BTBD8: variants seen among roughly 807,000 people sequenced by gnomAD.
BTBD8 encodes BTB/POZ domain-containing protein 8.
Under a neutral mutation model 162.9 loss-of-function variants are expected in BTBD8, and 110 were observed. The observed-to-expected ratio is 0.68, with a 90% CI of 0.58 to 0.79. The LOEUF is 0.79. BTBD8 is among the 30% of genes least tolerant of loss of function. The pLI, the probability that BTBD8 is intolerant of heterozygous loss-of-function variation, is 0.00. For missense variants in BTBD8, 1,905 were observed against 2,085.4 expected, an observed-to-expected ratio of 0.91 and a Z score of 1.68; for synonymous variants, 667 against 716.1, an observed-to-expected ratio of 0.93 and a Z score of 1.10.
At chr1:92,080,871 C>G in intron 1 of BTBD8, 151 bp downstream of exon 1, 1 of 1,247,230 alleles carries the variant, frequency 8.0e-7, no homozygotes, top group African/African-American at 1.5e-5. Context: ...AGTCTCCCCA[C>G]TATTCCGAAA....
chr1:92,090,775 C>T (rs140791126), intron 2 of BTBD8, among the ~76,000 whole-genome samples: 14 of 152,146 alleles, frequency 9.2e-5, no homozygotes, highest in East Asian at 7.8e-4. Flanking sequence ...ATTAAAAACA[C>T]GAAAAAATTA....
chr1:92,158,565 A>G (rs57820459), intron 9 of BTBD8, among the ~76,000 whole-genome samples: 8,081 of 152,174 alleles, frequency 0.053, 756 homozygotes, highest in African/African-American at 0.18. Flanking sequence ...ATTCGTTAAT[A>G]TACTCTTTAG....
Position 92,080,394 on chromosome 1 carries a change from C to T in BTBD8, c.-178C>T, listed in dbSNP as rs1570707685. ...GTTCTGGGATTCTGAGGCTCCCCAC[C>T]GCGGTCCGGCTTCTCTGGGAGACTG... On this transcript the variant is annotated 5_prime_UTR_variant, in exon 1 of 18. Transcript: ENST00000636805. 1.2e-6 allele frequency: 1 copy of T among 866,228 alleles called. No homozygotes were observed. Among genetic ancestry groups the T allele is most frequent in the Middle Eastern group, 3.7e-4 (1 of 2,704 alleles). 53.7% of individuals were successfully genotyped at this position (866,228 alleles called of 1,614,324 possible).
chr1:92,162,542 T>TG (rs1233888603), intron 9 of BTBD8, among the ~76,000 whole-genome samples: 3 of 152,190 alleles, frequency 2.0e-5, no homozygotes, highest in Admixed American at 6.5e-5. Context: ...ACAAAACACT[T>TG]GGGGGTCTTG....
chr1:92,157,278 T>C (rs887857725), intron 9 of BTBD8, among the ~76,000 whole-genome samples: 3 of 152,198 alleles, frequency 2.0e-5, no homozygotes, highest in Non-Finnish European at 4.4e-5. Context: ...GAAAAGATGC[T>C]TGGTATGATT....
intron 9 of BTBD8, among the ~76,000 whole-genome samples, chr1:92,154,861 A>G (rs961486355): frequency 1.8e-4 from 27 of 152,180 alleles, no homozygotes; most frequent in African/African-American, 6.5e-4. Flanking sequence ...GACCAATGTC[A>G]TGAAGCTTTC....
chr1:92,146,527 C>T (rs746724872), intron 7 of BTBD8, among the ~76,000 whole-genome samples: 12 of 152,178 alleles, frequency 7.9e-5, no homozygotes, highest in African/African-American at 1.4e-4. Flanking sequence ...GGTTTATACA[C>T]ATGTATAATG....
intron 2 of BTBD8, among the ~76,000 whole-genome samples, chr1:92,093,187 A>ATTTTT (rs5776134): frequency 6.7e-5 from 8 of 119,856 alleles, no homozygotes; most frequent in East Asian, 2.4e-4. Flanking sequence ...TGAAATACCA[A>ATTTTT]TTTTTTTTTT....
At chr1:92,132,893 G>A (rs560925616) in intron 5 of BTBD8, among the ~76,000 whole-genome samples, 2 of 152,244 alleles carry the variant, frequency 1.3e-5, no homozygotes, top group South Asian at 4.2e-4. Flanking sequence ...AACACTAAAA[G>A]AAGAATCACC....
intron 13 of BTBD8, among the ~76,000 whole-genome samples, chr1:92,172,095 C>CA (rs112036045): frequency 0.037 from 5,455 of 149,382 alleles, 106 homozygotes; most frequent in African/African-American, 0.039. Flanking sequence ...CCATCTCAAA[C>CA]AAAAAAAAAG....
intron 1 of BTBD8, among the ~76,000 whole-genome samples, chr1:92,082,129 A>G (rs1237097510): frequency 2.6e-5 from 4 of 152,302 alleles, no homozygotes; most frequent in East Asian, 1.9e-4. Context: ...CTAGTGAACA[A>G]TTTATCCTTA....
chr1:92,158,742 C>T (rs552926201), intron 9 of BTBD8, among the ~76,000 whole-genome samples: 73 of 152,154 alleles, frequency 4.8e-4, no homozygotes, highest in African/African-American at 1.5e-3. Flanking sequence ...ACTTTCCTCT[C>T]AGTTTTGCTG....
chr1:92,123,747 AGCCTGGGC>A (rs1649276830), intron 4 of BTBD8, among the ~76,000 whole-genome samples: 1 of 139,476 alleles, frequency 7.2e-6, no homozygotes, highest in South Asian at 2.3e-4. Context: ...ACTGCACTCC[AGCCTGGGC>A]GACAGAGCAA....
chr1:92,102,902 C>A (rs2101903427), intron 3 of BTBD8, among the ~76,000 whole-genome samples: 1 of 152,198 alleles, frequency 6.6e-6, no homozygotes, highest in Admixed American at 6.5e-5. Flanking sequence ...CATTATGCCT[C>A]TACGTTATTG....
chr1:92,130,412 G>A (rs1649484388), intron 5 of BTBD8, among the ~76,000 whole-genome samples: 1 of 151,304 alleles, frequency 6.6e-6, no homozygotes, highest in Non-Finnish European at 1.5e-5. Context: ...TGCCCAGGCT[G>A]GAGTGCAGTG....
chr1:92,080,619 G>A lies in BTBD8; in HGVS notation c.48G>A (p.Gly16=), dbSNP rs1647977998. ...EGSAAPMVLL[G]SAGVCSKGLQ... ...GTGCGGCCCCCATGGTACTTCTGGG[G>A]TCCGCTGGAGTTTGCAGTAAGGGGT... The change falls in exon 1 of 18, where the codon GGG becomes GGA. Residue 16 remains glycine (G), a synonymous_variant. Transcript: ENST00000636805. 1 of 1,614,054 alleles carries A rather than the reference G, an allele frequency of 6.2e-7. No individual in the cohort carries two copies. Among genetic ancestry groups the A allele is most frequent in the Non-Finnish European group, 8.5e-7 (1 of 1,179,950 alleles).
At chr1:92,098,189 G>A (rs190318156) in intron 2 of BTBD8, among the ~76,000 whole-genome samples, 5 of 152,198 alleles carry the variant, frequency 3.3e-5, no homozygotes, top group South Asian at 2.1e-4. Flanking sequence ...TAAGAACAGC[G>A]CCCAAATCCA....
intron 5 of BTBD8, among the ~76,000 whole-genome samples, chr1:92,137,376 C>T (rs1649659430): frequency 6.6e-6 from 1 of 151,972 alleles, no homozygotes; most frequent in African/African-American, 2.4e-5. Flanking sequence ...GGTCATAGTA[C>T]AGATGGGAGA....
At chr1:92,169,910 A>T (rs1247199425) in intron 12 of BTBD8, among the ~76,000 whole-genome samples, 3 of 152,182 alleles carry the variant, frequency 2.0e-5, no homozygotes, top group African/African-American at 7.2e-5. Flanking sequence ...ATTATTTTAA[A>T]CAAAAATTAT....
Sources: allele counts gnomAD v4.1 joint callset (sites outside exome capture counted in the v4.1 genomes callset), GRCh38; gene constraint gnomAD v4.1.1; transcripts MANE v1.5; gene names NCBI Gene and HGNC (gene_info 2026-07-23, HGNC 2026-07-21).